Variants in IKBKG observed in about 807,000 individuals in gnomAD.
The protein encoded by IKBKG is inhibitor of nuclear factor kappa B kinase regulatory subunit gamma.
IKBKG carries 2 observed loss-of-function variants against 13.7 expected under a neutral mutation model. The ratio of observed to expected loss-of-function variants is 0.15; its 90% CI spans 0.06 to 0.46. IKBKG has a LOEUF of 0.46. Among genes scored for constraint, IKBKG ranks in the 20% least tolerant of loss-of-function variants. IKBKG has a pLI of 0.98. For synonymous variants in IKBKG, 22 were observed against 64.4 expected (o/e 0.34, Z 3.15); for missense variants, 53 against 150.3 (o/e 0.35, Z 3.39).
At chrX:154,555,276 G>A (rs1557235784) in intron 2 of IKBKG, among the ~76,000 whole-genome samples, 2 of 112,000 alleles carry the variant, frequency 1.8e-5, no homozygotes. Context: ...GCTGACCCTA[G>A]GAGTCTGCAG....
At chrX:154,546,967 C>G, upstream of IKBKG, 4 of 318,158 alleles carry the variant, frequency 1.3e-5, no homozygotes, top group Admixed American at 1.4e-4. Context: ...CTCGTGCGGG[C>G]GGGGCGGGGC....
At chrX:154,542,955 C>T (rs782806127), upstream of IKBKG, among the ~76,000 whole-genome samples, 11 of 112,185 alleles carry the variant, frequency 9.8e-5, no homozygotes, top group East Asian at 3.1e-3. Flanking sequence ...AGTACCCAAT[C>T]GCTGTCTGCT....
At chrX:154,542,724 C>T (rs1249365448), upstream of IKBKG, among the ~76,000 whole-genome samples, 2 of 111,940 alleles carry the variant, frequency 1.8e-5, no homozygotes, top group East Asian at 2.8e-4. Flanking sequence ...GTTCCCAACT[C>T]GGGGCTCCGG....
At chrX:154,555,816 G>A (rs1557235926) in intron 2 of IKBKG, among the ~76,000 whole-genome samples, 1 of 112,394 alleles carries the variant, frequency 8.9e-6, no homozygotes, top group African/African-American at 3.2e-5. Context: ...CTGACCTCAG[G>A]TGATCCACCC....
chrX:154,548,720 C>T (rs781965521), intron 1 of IKBKG, among the ~76,000 whole-genome samples: 26 of 110,980 alleles, frequency 2.3e-4, no homozygotes, highest in Admixed American at 1.1e-3. Context: ...TGCGCCACTA[C>T]GCCCAGCTAA....
chrX:154,550,688 TGG>T (rs2070904887), intron 1 of IKBKG, among the ~76,000 whole-genome samples: 1 of 110,731 alleles, frequency 9.0e-6, no homozygotes, highest in South Asian at 3.8e-4. Flanking sequence ...AAGCCAAGGG[TGG>T]AGTGCAGTGG....
chrX:154,553,451 C>T (rs1320402866), intron 2 of IKBKG, among the ~76,000 whole-genome samples: 3 of 112,877 alleles, frequency 2.7e-5, no homozygotes, highest in Admixed American at 1.9e-4. Context: ...TGTGTCTCCT[C>T]TTACTGTCAA....
At chrX:154,551,230 G>A (rs1557234950) in intron 1 of IKBKG, among the ~76,000 whole-genome samples, 1 of 109,884 alleles carries the variant, frequency 9.1e-6, no homozygotes. Context: ...TTACAGGTGT[G>A]AGCCACTGCG....
chrX:154,550,197 C>A (rs1439939518), intron 1 of IKBKG, among the ~76,000 whole-genome samples: 6 of 106,602 alleles, frequency 5.6e-5, no homozygotes, highest in African/African-American at 2.1e-4. Context: ...TTGGGGGATA[C>A]ATTTTAACAG....
chrX:154,546,176 A>T, upstream of IKBKG: 1 of 1,210,876 alleles, frequency 8.3e-7, no homozygotes, highest in Non-Finnish European at 1.1e-6. Flanking sequence ...GGTGGAAGAA[A>T]GGCTCGTTAA....
At chrX:154,547,222 G>A, upstream of IKBKG, 1 of 545,087 alleles carries the variant, frequency 1.8e-6, no homozygotes, top group Non-Finnish European at 2.2e-6. Context: ...ACTTCCGCCG[G>A]CAGCGTGGCC....
upstream of IKBKG, among the ~76,000 whole-genome samples, chrX:154,545,421 GAA>G (rs781836287): frequency 9.8e-5 from 11 of 111,966 alleles, no homozygotes; most frequent in Admixed American, 6.6e-4. Flanking sequence ...GAACAGGTCT[GAA>G]AAAACTACAG....
At chrX:154,553,131 C>T (rs1016130481) in intron 2 of IKBKG, among the ~76,000 whole-genome samples, 29 of 112,559 alleles carry the variant, frequency 2.6e-4, no homozygotes, top group Non-Finnish European at 4.9e-4. Flanking sequence ...CCTTTGGTTC[C>T]TGCTGGGGAC....
At chrX:154,548,982 C>T (rs1220861614) in intron 1 of IKBKG, among the ~76,000 whole-genome samples, 3 of 105,729 alleles carry the variant, frequency 2.8e-5, no homozygotes, top group Non-Finnish European at 5.8e-5. Flanking sequence ...ATTTCTTTTT[C>T]TTTCTTTCTT....
chrX:154,555,486 T>G (rs373929588), intron 2 of IKBKG, among the ~76,000 whole-genome samples: 1 of 112,983 alleles, frequency 8.9e-6, no homozygotes, highest in South Asian at 3.6e-4. Context: ...GTGGGAGGAT[T>G]GCTTGAGGCC....
rs1051721530 is a variant in IKBKG at position 154,554,499 on chromosome X, C to T, written c.188-1666C>T. Among the ~76,000 whole-genome samples the T allele has an allele frequency of 1.4e-4, 16 of 112,514 alleles. No individual in the cohort carries two copies. The East Asian group carries it at 1.9e-3, about 14-fold the overall frequency. On this transcript the variant is annotated intron_variant, in intron 2 of 9. Coordinates refer to ENST00000594239, the MANE Select transcript of IKBKG (RefSeq NM_001099857.5). ...GCCAGCCAGGTGCAGTGGCTCATGC[C>T]TGTAATCCGAGCACTTTGGGAGGCC...
chrX:154,549,911 C>T (rs899307554), intron 1 of IKBKG, among the ~76,000 whole-genome samples: 2 of 112,014 alleles, frequency 1.8e-5, no homozygotes, highest in African/African-American at 6.5e-5. Context: ...TGTGGATGTA[C>T]TAGATTTTGT....
chrX:154,546,022 T>A (rs1293771121), upstream of IKBKG: 3 of 1,207,466 alleles, frequency 2.5e-6, no homozygotes, highest in African/African-American at 5.3e-5. Context: ...GATTGGGGCC[T>A]GGGAGATACT....
At chrX:154,553,908 AGT>A (rs1212402821) in intron 2 of IKBKG, among the ~76,000 whole-genome samples, 14 of 112,039 alleles carry the variant, frequency 1.2e-4, no homozygotes, top group African/African-American at 4.5e-4. Flanking sequence ...CTTGAGGGTG[AGT>A]GTTGCAGGCC....
Sources: gnomAD v4.1 joint callset for allele counts (sites outside exome capture counted in the v4.1 genomes callset) on GRCh38, gnomAD v4.1.1 for gene constraint, MANE v1.5 for transcripts, NCBI Gene and HGNC (gene_info 2026-07-23, HGNC 2026-07-21) for gene names.